Variants in PRKN observed in about 807,000 individuals in gnomAD.
PRKN encodes E3 ubiquitin-protein ligase parkin.
In PRKN, 56 loss-of-function variants were observed where a neutral mutation model predicts 59.5. The ratio of observed to expected loss-of-function variants is 0.94; its 90% CI spans 0.76 to 1.18. The LOEUF (loss-of-function observed/expected upper bound fraction) is 1.18, where lower values mean the gene tolerates loss of function less well. Ranked by LOEUF, PRKN falls within the 50% of genes most tolerant of loss-of-function variation. The pLI is 0.00. For missense variants in PRKN, 657 were observed against 596.4 expected, an observed-to-expected ratio of 1.10 and a Z score of -1.06; for synonymous variants, 250 against 222.1, an observed-to-expected ratio of 1.13 and a Z score of -1.12.
At chr6:162,678,133 A>G (rs1779622462) in intron 1 of PRKN, among the ~76,000 whole-genome samples, 1 of 152,246 alleles carries the variant, frequency 6.6e-6, no homozygotes. Context: ...GCATGTATCA[A>G]TAATTCCCTT....
At chr6:161,792,231 C>G (rs1470135707) in intron 6 of PRKN, among the ~76,000 whole-genome samples, 1 of 152,180 alleles carries the variant, frequency 6.6e-6, no homozygotes, top group Non-Finnish European at 1.5e-5. Flanking sequence ...TCTTCAGCCA[C>G]TAAGTTATGG....
intron 2 of PRKN, among the ~76,000 whole-genome samples, chr6:162,352,307 G>A (rs574199126): frequency 6.6e-6 from 1 of 152,072 alleles, no homozygotes; most frequent in Non-Finnish European, 1.5e-5. Context: ...GGCAGATTAC[G>A]GCAGGTTGTC....
intron 2 of PRKN, among the ~76,000 whole-genome samples, chr6:162,420,035 C>T (rs1973885): frequency 0.52 from 78,221 of 151,814 alleles, 20,527 homozygotes; most frequent in East Asian, 0.69. Flanking sequence ...ATGATTCAAG[C>T]GCATTACATT....
intron 7 of PRKN, among the ~76,000 whole-genome samples, chr6:161,570,303 G>T (rs1780840968): frequency 6.9e-6 from 1 of 144,040 alleles, no homozygotes. Context: ...TAATTTTATA[G>T]AATTATATAA....
intron 1 of PRKN, among the ~76,000 whole-genome samples, chr6:162,690,521 C>T (rs1359967453): frequency 2.0e-5 from 3 of 152,190 alleles, no homozygotes; most frequent in Admixed American, 6.5e-5. Context: ...AAACTCACCA[C>T]CAAAATCACT....
At chr6:162,190,383 T>C (rs1427376046) in intron 4 of PRKN, among the ~76,000 whole-genome samples, 2 of 152,208 alleles carry the variant, frequency 1.3e-5, no homozygotes, top group African/African-American at 2.4e-5. Context: ...TGAATTTTAC[T>C]CTTTTCAGGG....
At chr6:161,635,547 A>C (rs1303749849) in intron 7 of PRKN, among the ~76,000 whole-genome samples, 1 of 152,198 alleles carries the variant, frequency 6.6e-6, no homozygotes, top group Non-Finnish European at 1.5e-5. Context: ...GTGTGCAGGC[A>C]TTTTTCAATA....
chr6:161,738,196 C>T (rs1788043509), intron 7 of PRKN, among the ~76,000 whole-genome samples: 1 of 151,926 alleles, frequency 6.6e-6, no homozygotes, highest in Non-Finnish European at 1.5e-5. Context: ...AAAGTAACAC[C>T]AAAGCTTCAC....
intron 1 of PRKN, among the ~76,000 whole-genome samples, chr6:162,660,389 TA>T (rs762557601): frequency 5.9e-5 from 9 of 152,318 alleles, no homozygotes; most frequent in Admixed American, 1.3e-4. Context: ...TTCTGCCCAC[TA>T]AATCTGTTTC....
intron 7 of PRKN, among the ~76,000 whole-genome samples, chr6:161,620,412 T>C (rs1782854509): frequency 6.6e-6 from 1 of 152,154 alleles, no homozygotes; most frequent in Non-Finnish European, 1.5e-5. Context: ...GGAAAATGAA[T>C]GACGTTAAGG....
chr6:161,717,252 C>T (rs1787024047), intron 7 of PRKN, among the ~76,000 whole-genome samples: 2 of 152,182 alleles, frequency 1.3e-5, no homozygotes, highest in Non-Finnish European at 2.9e-5. Flanking sequence ...CTTGCTGTAC[C>T]AGCCCATGAT....
intron 6 of PRKN, among the ~76,000 whole-genome samples, chr6:161,899,759 G>A (rs578217349): frequency 8.5e-5 from 13 of 152,214 alleles, no homozygotes; most frequent in African/African-American, 1.7e-4. Flanking sequence ...TCTTCAAGGC[G>A]TATTCCCATA....
At chr6:162,673,478 T>C (rs1478133378) in intron 1 of PRKN, among the ~76,000 whole-genome samples, 1 of 152,190 alleles carries the variant, frequency 6.6e-6, no homozygotes, top group African/African-American at 2.4e-5. Flanking sequence ...CTCCACTTCC[T>C]GGGCTCACAC....
intron 2 of PRKN, among the ~76,000 whole-genome samples, chr6:162,268,548 G>A (rs1410395975): frequency 6.6e-6 from 1 of 152,210 alleles, no homozygotes; most frequent in Non-Finnish European, 1.5e-5. Context: ...TGTAAACAGA[G>A]CTAGAAATAG....
intron 4 of PRKN, among the ~76,000 whole-genome samples, chr6:162,160,890 C>CAAAAAAA (rs56320816): frequency 5.4e-4 from 43 of 80,268 alleles, no homozygotes; most frequent in African/African-American, 1.4e-3. Flanking sequence ...GACTCCGTCT[C>CAAAAAAA]AAAAAAAAAA....
chr6:162,233,770 G>A (rs1778522566), intron 3 of PRKN, among the ~76,000 whole-genome samples: 1 of 152,154 alleles, frequency 6.6e-6, no homozygotes, highest in Non-Finnish European at 1.5e-5. Context: ...ATTAGATGAG[G>A]TCATCGCAGA....
At chr6:162,616,038 T>C (rs766175838) in intron 1 of PRKN, among the ~76,000 whole-genome samples, 1 of 152,218 alleles carries the variant, frequency 6.6e-6, no homozygotes, top group African/African-American at 2.4e-5. Flanking sequence ...TTCAAAACCA[T>C]GAGCTGTCAC....
intron 3 of PRKN, among the ~76,000 whole-genome samples, chr6:162,228,077 C>A (rs1778260244): frequency 6.6e-6 from 1 of 152,026 alleles, no homozygotes; most frequent in Non-Finnish European, 1.5e-5. Flanking sequence ...GGTGTAGAAA[C>A]CTCACTACGC....
intron 3 of PRKN, among the ~76,000 whole-genome samples, chr6:162,211,124 T>C (rs1785182000): frequency 6.6e-6 from 1 of 151,996 alleles, no homozygotes; most frequent in Non-Finnish European, 1.5e-5. Flanking sequence ...TAACCTTGAG[T>C]CAGACGGTGG....
Sources: allele counts gnomAD v4.1 joint callset (sites outside exome capture counted in the v4.1 genomes callset), GRCh38; gene constraint gnomAD v4.1.1; transcripts MANE v1.5; gene names NCBI Gene and HGNC (gene_info 2026-07-23, HGNC 2026-07-21).